Variants in GBE1 observed in about 807,000 individuals in gnomAD.
GBE1 encodes 1,4-alpha-glucan-branching enzyme.
A neutral mutation model predicts 88.8 loss-of-function variants in GBE1; 70 were observed. That is an observed-to-expected ratio of 0.79 (90% CI 0.65 to 0.96). The LOEUF (loss-of-function observed/expected upper bound fraction) is 0.96, where lower values mean the gene tolerates loss of function less well. GBE1 is among the 40% of genes least tolerant of loss of function. The pLI is 0.00. For missense variants in GBE1, 872 were observed against 871.0 expected, an observed-to-expected ratio of 1.00 and a Z score of -0.01; for synonymous variants, 284 against 300.1, an observed-to-expected ratio of 0.95 and a Z score of 0.56.
chr3:81,695,355 T>C (rs1705576061), intron 2 of GBE1, among the ~76,000 whole-genome samples: 1 of 152,210 alleles, frequency 6.6e-6, no homozygotes, highest in African/African-American at 2.4e-5. Flanking sequence ...ACAGATGAAC[T>C]TTAAAAATAT....
intron 12 of GBE1, among the ~76,000 whole-genome samples, chr3:81,537,694 G>C (rs773451749): frequency 1.3e-5 from 2 of 151,818 alleles, no homozygotes; most frequent in Non-Finnish European, 2.9e-5. Flanking sequence ...TAAACTTCAG[G>C]TGCTAAGGAA....
chr3:81,552,413 A>T (rs2106896299), intron 12 of GBE1, among the ~76,000 whole-genome samples: 1 of 150,320 alleles, frequency 6.7e-6, no homozygotes, highest in South Asian at 2.2e-4. Flanking sequence ...GCTACTCAGG[A>T]GGCTGAGGCA....
In GBE1 at chr3:81,750,616, T is replaced by G. The variant is rs181831674; in HGVS notation, c.143+10759A>C. 7.3e-5 allele frequency among the ~76,000 whole-genome samples: 5 copies of G among 68,818 alleles called. 1 individual carries two copies. The Admixed American group carries it at 9.0e-4, about 12-fold the overall frequency. The allele number at this position is 68,818 out of a possible 152,430, so 45.1% of individuals were successfully genotyped here. On this transcript the variant is annotated intron_variant, in intron 1 of 15. Coordinates refer to ENST00000429644, the MANE Select transcript of GBE1 (RefSeq NM_000158.4). ...ATATATATATGTGTATATATATATA[T>G]GTATATATATATACGTATATATATA... is the stretch of plus-strand genomic sequence containing the variant.
At chr3:81,628,478 A>G (rs1311585179) in intron 7 of GBE1, among the ~76,000 whole-genome samples, 2 of 152,078 alleles carry the variant, frequency 1.3e-5, no homozygotes, top group Non-Finnish European at 2.9e-5. Context: ...ATTGTGGAAG[A>G]ATGGCAAATG....
chr3:81,592,151 G>A lies in GBE1; in HGVS notation c.1109-987C>T, dbSNP rs77437508. On this transcript the variant is annotated intron_variant, in intron 8 of 15. Transcript: ENST00000429644. ...TTACCACATGTGTATGTGTGTGTGC[G>A]CGCGTGTGTGTGTGTTTAGGATACT... 6.1e-3 allele frequency among the ~76,000 whole-genome samples: 921 copies of A among 152,138 alleles called. 8 individuals are homozygous for A. The highest frequency in any genetic ancestry group is 0.017 in the African/African-American group (709 of 41,518).
chr3:81,577,886 T>C, intron 12 of GBE1, 39 bp downstream of exon 12: 1 of 1,511,400 alleles, frequency 6.6e-7, no homozygotes, highest in Non-Finnish European at 8.9e-7. Flanking sequence ...AAGTTAACAT[T>C]TTAAACACAA....
At chr3:81,595,568 T>G (rs1052638118) in intron 7 of GBE1, among the ~76,000 whole-genome samples, 26 of 151,936 alleles carry the variant, frequency 1.7e-4, no homozygotes, top group Admixed American at 3.9e-4. Flanking sequence ...ATTAATTTTT[T>G]GAAAAGAATA....
chr3:81,612,219 T>TAAAA, intron 7 of GBE1: 5 of 280,374 alleles, frequency 1.8e-5, no homozygotes, highest in South Asian at 2.9e-5. Context: ...CCACGCTCCT[T>TAAAA]TAAAAAAAAA....
chr3:81,557,285 A>T (rs1351386985), intron 12 of GBE1, among the ~76,000 whole-genome samples: 1 of 152,148 alleles, frequency 6.6e-6, no homozygotes, highest in Non-Finnish European at 1.5e-5. Context: ...AAGCCTAAAC[A>T]AATGCAACAG....
At chr3:81,673,647 TA>T (rs1705218655) in intron 2 of GBE1, among the ~76,000 whole-genome samples, 1 of 152,080 alleles carries the variant, frequency 6.6e-6, no homozygotes, top group African/African-American at 2.4e-5. Context: ...GTTTCAAGAT[TA>T]TTTAAATAAG....
chr3:81,716,676 G>T (rs1252170337), intron 1 of GBE1, among the ~76,000 whole-genome samples: 8 of 152,022 alleles, frequency 5.3e-5, no homozygotes, highest in Admixed American at 1.3e-4. Context: ...ACAACTTAAA[G>T]AACCTACTAT....
chr3:81,525,363 G>C (rs1702929881), intron 14 of GBE1, among the ~76,000 whole-genome samples: 1 of 152,016 alleles, frequency 6.6e-6, no homozygotes, highest in South Asian at 2.1e-4. Flanking sequence ...AACCAGCCTT[G>C]CATCCCAGGG....
intron 12 of GBE1, among the ~76,000 whole-genome samples, chr3:81,575,425 T>A (rs1394255922): frequency 6.6e-6 from 1 of 152,032 alleles, no homozygotes; most frequent in East Asian, 1.9e-4. Flanking sequence ...ACAAAACAAA[T>A]CAGCCAAACT....
At chr3:81,518,977 C>T (rs1175453628) in intron 14 of GBE1, among the ~76,000 whole-genome samples, 1 of 151,536 alleles carries the variant, frequency 6.6e-6, no homozygotes, top group Non-Finnish European at 1.5e-5. Context: ...TTTAGTCAGA[C>T]CAGAAATTAT....
intron 2 of GBE1, among the ~76,000 whole-genome samples, chr3:81,685,566 G>A (rs1705421789): frequency 1.3e-5 from 2 of 151,994 alleles, no homozygotes; most frequent in South Asian, 4.2e-4. Context: ...ATTTTTAGTA[G>A]AGACAGGGTT....
intron 1 of GBE1, among the ~76,000 whole-genome samples, chr3:81,709,486 C>A (rs1189388171): frequency 1.3e-5 from 2 of 151,990 alleles, no homozygotes; most frequent in African/African-American, 2.4e-5. Flanking sequence ...CACACATACA[C>A]CCTCATAATA....
At chr3:81,568,595 TA>T (rs771406677) in intron 12 of GBE1, among the ~76,000 whole-genome samples, 1 of 152,186 alleles carries the variant, frequency 6.6e-6, no homozygotes, top group Non-Finnish European at 1.5e-5. Flanking sequence ...GTAGAGTAAC[TA>T]AAACAATTCC....
intron 12 of GBE1, among the ~76,000 whole-genome samples, chr3:81,574,678 T>G (rs1420129897): frequency 6.6e-6 from 1 of 152,180 alleles, no homozygotes; most frequent in Admixed American, 6.5e-5. Flanking sequence ...ATTTTCTGGT[T>G]GTGCAAACTG....
intron 3 of GBE1, among the ~76,000 whole-genome samples, chr3:81,663,719 C>T (rs2107101863): frequency 6.6e-6 from 1 of 152,256 alleles, no homozygotes; most frequent in Non-Finnish European, 1.5e-5. Flanking sequence ...AGCACACGCC[C>T]ACTGGGGCTT....
Sources: gnomAD v4.1 joint callset for allele counts (sites outside exome capture counted in the v4.1 genomes callset) on GRCh38, gnomAD v4.1.1 for gene constraint, MANE v1.5 for transcripts, NCBI Gene and HGNC (gene_info 2026-07-23, HGNC 2026-07-21) for gene names.